PCDHGA1: variants seen among roughly 807,000 people sequenced by gnomAD.
PCDHGA1 encodes the protein protocadherin gamma-A1.
Under a neutral mutation model 58.0 loss-of-function variants are expected in PCDHGA1, and 32 were observed. The ratio of observed to expected loss-of-function variants is 0.55; its 90% CI spans 0.42 to 0.74. The LOEUF (loss-of-function observed/expected upper bound fraction) is 0.74. Ranked by LOEUF, PCDHGA1 falls within the 30% of genes least tolerant of loss-of-function variation. The pLI, the probability that PCDHGA1 is intolerant of heterozygous loss-of-function variation, is 0.00. For missense variants in PCDHGA1, 1,205 were observed against 1,182.3 expected (o/e 1.02, Z -0.28); for synonymous variants, 498 against 501.1 (o/e 0.99, Z 0.08).
intron 1 of PCDHGA1, among the ~76,000 whole-genome samples, chr5:141,494,072 C>G (rs2099751672): frequency 6.6e-6 from 1 of 152,160 alleles, no homozygotes; most frequent in Non-Finnish European, 1.5e-5. Flanking sequence ...CTGGATCCCT[C>G]CCCGCTGCAT....
At position 141,350,960 on chromosome 5, in the gene PCDHGA1, G is replaced by A. The variant is rs749442250; in HGVS notation, c.2421+17855G>A. The A allele has an allele frequency of 3.0e-5, 49 of 1,613,968 alleles. 1 individual carries two copies. Among genetic ancestry groups the A allele is most frequent in the Non-Finnish European group, 3.5e-5 (41 of 1,179,920 alleles). ...CTGGATCCGAGTTACGGATGCCAAT[G>A]ATAATGCTCCCGTGTTTAGCCAGGA... On this transcript the variant is annotated intron_variant, in intron 1 of 3. Coordinates refer to ENST00000517417, the MANE Select transcript of PCDHGA1 (RefSeq NM_018912.3).
intron 3 of PCDHGA1, among the ~76,000 whole-genome samples, chr5:141,510,624 A>C (rs2099881973): frequency 6.6e-6 from 1 of 152,164 alleles, no homozygotes; most frequent in African/African-American, 2.4e-5. Flanking sequence ...TAAAACCAGA[A>C]GAGGTGGTTA....
chr5:141,370,449 C>A (rs376611019), intron 1 of PCDHGA1: 1 of 1,608,576 alleles, frequency 6.2e-7, no homozygotes, highest in African/African-American at 1.3e-5. Context: ...AATGCTATTT[C>A]TCTTCCTGCT....
At chr5:141,378,078 T>A (rs1215089288) in intron 1 of PCDHGA1, 2 of 152,178 alleles carry the variant, frequency 1.3e-5, no homozygotes, top group African/African-American at 4.8e-5. Context: ...GAAAATAATT[T>A]TATAACTTTT....
At chr5:141,439,496 G>A (rs1166315364) in intron 1 of PCDHGA1, among the ~76,000 whole-genome samples, 2 of 152,152 alleles carry the variant, frequency 1.3e-5, no homozygotes, top group Non-Finnish European at 2.9e-5. Context: ...AGTGAGAAAC[G>A]TCTTTCTCTC....
intron 1 of PCDHGA1, chr5:141,412,990 C>T: frequency 1.8e-6 from 1 of 569,958 alleles, no homozygotes. Flanking sequence ...AGAGCTCAAT[C>T]CGGATTCTCA....
At chr5:141,458,728 T>A (rs1010109573) in intron 1 of PCDHGA1, among the ~76,000 whole-genome samples, 1 of 151,870 alleles carries the variant, frequency 6.6e-6, no homozygotes, top group Non-Finnish European at 1.5e-5. Context: ...CGCCACCACA[T>A]CCAGCTATTG....
chr5:141,492,396 A>G (rs1400291073), intron 1 of PCDHGA1, among the ~76,000 whole-genome samples: 1 of 152,188 alleles, frequency 6.6e-6, no homozygotes, highest in Non-Finnish European at 1.5e-5. Flanking sequence ...GTCCACTCGC[A>G]GCTCCCCTCT....
At chr5:141,499,057 A>G (rs1361057448) in intron 2 of PCDHGA1, among the ~76,000 whole-genome samples, 1 of 152,036 alleles carries the variant, frequency 6.6e-6, no homozygotes, top group Non-Finnish European at 1.5e-5. Flanking sequence ...GAAAAAATGA[A>G]GAAGACTTAC....
At chr5:141,394,434 C>T in intron 1 of PCDHGA1, 1 of 1,614,248 alleles carries the variant, frequency 6.2e-7, no homozygotes, top group South Asian at 1.1e-5. Context: ...CGGGGACCCG[C>T]CCCTCAGCAG....
rs1317079449 is a variant in PCDHGA1 at position 141,345,909 on chromosome 5, G to A, written c.2421+12804G>A. On this transcript the variant is annotated intron_variant, in intron 1 of 3. Transcript: ENST00000517417. ...CTCGGTGGGTCTGCACACGGGCGAGGTGCGCACGGCGCGAGCCCTGCTGGA... is the reference window on the plus strand; with the variant it reads ...CTCGGTGGGTCTGCACACGGGCGAGATGCGCACGGCGCGAGCCCTGCTGGA... The A allele has an allele frequency of 3.1e-6, 5 of 1,612,572 alleles. No homozygotes were observed. In the East Asian group the frequency reaches 1.1e-4, roughly 36 times the overall value.
At position 141,357,408 on chromosome 5, in the gene PCDHGA1, T is replaced by C. The variant is rs73792169; in HGVS notation, c.2421+24303T>C. 2.9e-3 allele frequency: 4,630 copies of C among 1,614,246 alleles called. 117 individuals carry two copies. In the African/African-American group the frequency reaches 0.05, roughly 18 times the overall value. On this transcript the variant is annotated intron_variant, in intron 1 of 3. Transcript: ENST00000517417. Reference sequence around the variant, plus strand: ...AAGGCAGCAGGTTGGCAGGTGTGCCTGCCTCGCACTTTGTGGGCGTGGACG... The same window carrying C: ...AAGGCAGCAGGTTGGCAGGTGTGCCCGCCTCGCACTTTGTGGGCGTGGACG...
intron 1 of PCDHGA1, among the ~76,000 whole-genome samples, chr5:141,425,918 C>T (rs901485843): frequency 1.1e-4 from 16 of 152,200 alleles, no homozygotes; most frequent in Admixed American, 2.0e-4. Flanking sequence ...ACAGTCACTA[C>T]GAAAACTCAT....
chr5:141,420,337 A>G, intron 1 of PCDHGA1: 8 of 1,402,708 alleles, frequency 5.7e-6, no homozygotes, highest in Non-Finnish European at 7.6e-6. Flanking sequence ...ATTCCAATAT[A>G]GTGGTATTAT....
intron 1 of PCDHGA1, chr5:141,409,410 A>G (rs1465791228): frequency 6.2e-7 from 1 of 1,614,036 alleles, no homozygotes; most frequent in African/African-American, 1.3e-5. Flanking sequence ...AACTACTACA[A>G]ACTGGTGACA....
chr5:141,476,236 AAG>A lies in PCDHGA1; in HGVS notation c.2422-18565_2422-18564del. ...TCATTCACTATGAGATCCCGGAGGA[AAG>A]AGAGAAGGGTTTCGCTGTGGGCAAC... is the stretch of plus-strand genomic sequence containing the variant. On this transcript the variant is annotated intron_variant, in intron 1 of 3. Transcript: ENST00000517417. The surrounding 1 kb of genome is among the most constrained non-coding windows in gnomAD (Gnocchi z 7.6). 2.5e-6 allele frequency: 4 copies of A among 1,613,980 alleles called. No individual in the cohort carries two copies. Among genetic ancestry groups the A allele is most frequent in the Non-Finnish European group, 3.4e-6 (4 of 1,180,004 alleles).
chr5:141,420,540 A>G, intron 1 of PCDHGA1: 1 of 306,814 alleles, frequency 3.3e-6, no homozygotes, highest in Non-Finnish European at 5.7e-6. Context: ...AAAAATATAA[A>G]ATACAGGTAT....
chr5:141,477,884 G>A lies in PCDHGA1; in HGVS notation c.2422-16923G>A. On this transcript the variant is annotated intron_variant, in intron 1 of 3. Transcript: ENST00000517417. The surrounding 1 kb of genome is among the most constrained non-coding windows in gnomAD (Gnocchi z 4.9). ...TCGAGGTACCTCAGCTGGCCACCTA[G>A]TGTCACGGGTGGTAGGCTGGGACGC... 6.2e-7 allele frequency: 1 copy of A among 1,614,190 alleles called. No homozygotes were observed. The highest frequency in any genetic ancestry group is 8.5e-7 in the Non-Finnish European group (1 of 1,180,036).
chr5:141,418,663 C>T, intron 1 of PCDHGA1: 1 of 1,613,960 alleles, frequency 6.2e-7, no homozygotes, highest in South Asian at 1.1e-5. Flanking sequence ...AGGCCACTGA[C>T]CAGGACGAGG....
Sources: gnomAD v4.1 joint callset for allele counts (sites outside exome capture counted in the v4.1 genomes callset) on GRCh38, gnomAD v4.1.1 for gene constraint, Gnocchi (gnomAD v3.1) non-coding constraint, MANE v1.5 for transcripts, NCBI Gene and HGNC (gene_info 2026-07-23, HGNC 2026-07-21) for gene names.